The following PRKCB variants were observed in gnomAD, a reference collection of about 807,000 sequenced individuals.
PRKCB encodes protein kinase C beta type.
Under a neutral mutation model 81.5 loss-of-function variants are expected in PRKCB, and 13 were observed. The observed-to-expected ratio is 0.16, with a 90% CI of 0.10 to 0.25. PRKCB has a LOEUF of 0.25. Ranked by LOEUF, PRKCB falls within the 10% of genes least tolerant of loss-of-function variation. The probability of loss-of-function intolerance (pLI) is 1.00; values close to 1 mark genes in which losing one functional copy is unlikely to be tolerated. For missense variants in PRKCB, 509 were observed against 875.7 expected (o/e 0.58, Z 5.29); for synonymous variants, 335 against 321.4 (o/e 1.04, Z -0.45).
chr16:24,186,512 T>A (rs1035314629), intron 15 of PRKCB, among the ~76,000 whole-genome samples: 6 of 152,222 alleles, frequency 3.9e-5, no homozygotes, highest in Non-Finnish European at 5.9e-5. Flanking sequence ...TTGCTCTCCC[T>A]CCACCCAGTG....
chr16:23,991,209 A>G (rs961825178), intron 3 of PRKCB, among the ~76,000 whole-genome samples: 6 of 152,230 alleles, frequency 3.9e-5, no homozygotes, highest in African/African-American at 1.2e-4. Flanking sequence ...ATCTGTTGCC[A>G]TAGCAACACA....
intron 2 of PRKCB, among the ~76,000 whole-genome samples, chr16:23,896,520 A>G (rs1005968110): frequency 3.9e-5 from 6 of 152,188 alleles, no homozygotes; most frequent in African/African-American, 1.4e-4. Context: ...AAGGAAACCA[A>G]TAAGGGTCTC....
chr16:24,064,872 T>C (rs1966012793), intron 5 of PRKCB, among the ~76,000 whole-genome samples: 1 of 151,228 alleles, frequency 6.6e-6, no homozygotes, highest in Non-Finnish European at 1.5e-5. Flanking sequence ...CTTGTAAATA[T>C]ACCAGTTTTC....
Position 24,037,594 on chromosome 16 carries a change from C to T in PRKCB, c.529+2047C>T, listed in dbSNP as rs988386432. Among the ~76,000 whole-genome samples the T allele has an allele frequency of 4.6e-5, 7 of 152,206 alleles. 1 individual carries two copies. The highest frequency in any genetic ancestry group is 3.4e-3 in the Middle Eastern group (1 of 292). On this transcript the variant is annotated intron_variant, in intron 5 of 16. Coordinates refer to ENST00000643927, the MANE Select transcript of PRKCB (RefSeq NM_002738.7). ...TTTAGTTTCGTTTCGTTTCTCTATGCCCTCCACCGTATTTATTCCTTTTGT... is the reference window on the plus strand; with the variant it reads ...TTTAGTTTCGTTTCGTTTCTCTATGTCCTCCACCGTATTTATTCCTTTTGT...
chr16:23,931,614 G>T (rs2046848019), intron 2 of PRKCB, among the ~76,000 whole-genome samples: 1 of 152,168 alleles, frequency 6.6e-6, no homozygotes, highest in Non-Finnish European at 1.5e-5. Context: ...GCAAGATGCG[G>T]CACTGCCAAT....
At chr16:23,878,424 T>A (rs1963051080) in intron 2 of PRKCB, among the ~76,000 whole-genome samples, 1 of 152,198 alleles carries the variant, frequency 6.6e-6, no homozygotes, top group African/African-American at 2.4e-5. Flanking sequence ...CATCTCGGAC[T>A]CCTTGCACTT....
chr16:23,972,377 T>A (rs1439253696), intron 2 of PRKCB, among the ~76,000 whole-genome samples: 1 of 152,196 alleles, frequency 6.6e-6, no homozygotes, highest in African/African-American at 2.4e-5. Context: ...GAAGTTCAGG[T>A]ATATGAAAAT....
chr16:24,088,276 T>A (rs1203006006), intron 5 of PRKCB, among the ~76,000 whole-genome samples: 1 of 152,178 alleles, frequency 6.6e-6, no homozygotes, highest in Non-Finnish European at 1.5e-5. Context: ...AGTCTCAGGA[T>A]GCATTCCACA....
chr16:24,188,458 T>C (rs1487296715), intron 15 of PRKCB, among the ~76,000 whole-genome samples: 1 of 152,196 alleles, frequency 6.6e-6, no homozygotes, highest in Non-Finnish European at 1.5e-5. Flanking sequence ...CTGGATGTTT[T>C]TGCAGTACCT....
chr16:24,079,037 G>A (rs1567366906), intron 5 of PRKCB, among the ~76,000 whole-genome samples: 1 of 152,114 alleles, frequency 6.6e-6, no homozygotes, highest in Non-Finnish European at 1.5e-5. Context: ...CAGATGGCCT[G>A]AAGCAACGGA....
intron 3 of PRKCB, among the ~76,000 whole-genome samples, chr16:23,994,335 T>C (rs1964928427): frequency 6.6e-6 from 1 of 152,214 alleles, no homozygotes; most frequent in Non-Finnish European, 1.5e-5. Context: ...ATTTCCCCAG[T>C]TCCAGAATGG....
chr16:23,854,460 T>C (rs1245197640), intron 2 of PRKCB, among the ~76,000 whole-genome samples: 2 of 152,124 alleles, frequency 1.3e-5, no homozygotes, highest in African/African-American at 4.8e-5. Flanking sequence ...GGATTGGCTG[T>C]TCTTGGCTGG....
intron 5 of PRKCB, among the ~76,000 whole-genome samples, chr16:24,042,561 C>G (rs185983935): frequency 8.5e-5 from 13 of 152,270 alleles, no homozygotes; most frequent in Admixed American, 2.0e-4. Flanking sequence ...CCAACTATCT[C>G]GCTCTCCATC....
chr16:24,214,203 C>T (rs1377237849), intron 16 of PRKCB, among the ~76,000 whole-genome samples: 2 of 152,218 alleles, frequency 1.3e-5, no homozygotes, highest in African/African-American at 4.8e-5. Context: ...GGGTCTGCTG[C>T]TATAAATACT....
At chr16:24,169,055 A>C (rs1967397033) in intron 10 of PRKCB, among the ~76,000 whole-genome samples, 2 of 151,968 alleles carry the variant, frequency 1.3e-5, no homozygotes, top group South Asian at 4.2e-4. Context: ...CCCCTCAGTC[A>C]GTCTGTTAGA....
chr16:24,107,701 C>T (rs1029235490), intron 7 of PRKCB, among the ~76,000 whole-genome samples: 20 of 152,234 alleles, frequency 1.3e-4, no homozygotes, highest in African/African-American at 4.8e-4. Context: ...CACGCTGTGG[C>T]ACCATGCCCC....
intron 2 of PRKCB, among the ~76,000 whole-genome samples, chr16:23,900,694 T>C (rs991718347): frequency 2.1e-5 from 3 of 140,380 alleles, no homozygotes; most frequent in African/African-American, 7.7e-5. Context: ...TAGAGCAGCC[T>C]CATTCATTTT....
chr16:24,013,458 A>G (rs1424852187), intron 3 of PRKCB, among the ~76,000 whole-genome samples: 1 of 152,212 alleles, frequency 6.6e-6, no homozygotes, highest in Non-Finnish European at 1.5e-5. Context: ...TCTGTGTCTC[A>G]GTTTTCTCCC....
Position 24,059,378 on chromosome 16 carries a change from CCAGGTG to C in PRKCB, c.529+23835_529+23840del, listed in dbSNP as rs148834039. Among the ~76,000 whole-genome samples, 446 of 152,218 alleles carry C rather than the reference CCAGGTG, an allele frequency of 2.9e-3. 7 individuals are homozygous for C. In the East Asian group the frequency reaches 0.035, roughly 12 times the overall value. On this transcript the variant is annotated intron_variant, in intron 5 of 16. Coordinates refer to ENST00000643927, the MANE Select transcript of PRKCB (RefSeq NM_002738.7). ...GAATTTAAAAATAATGCTTTTAAGT[CCAGGTG>C]CAGTGGCTCATGTCTGTAATCCCAG... is the stretch of plus-strand genomic sequence containing the variant.
Sources: gnomAD v4.1 joint callset for allele counts (sites outside exome capture counted in the v4.1 genomes callset) on GRCh38, gnomAD v4.1.1 for gene constraint, MANE v1.5 for transcripts, NCBI Gene and HGNC (gene_info 2026-07-23, HGNC 2026-07-21) for gene names.